The following PPP6R3 variants were observed in gnomAD, a reference collection of about 807,000 sequenced individuals.
PPP6R3 encodes the protein serine/threonine-protein phosphatase 6 regulatory subunit 3.
PPP6R3 carries 38 observed loss-of-function variants against 110.7 expected under a neutral mutation model. That is an observed-to-expected ratio of 0.34 (90% CI 0.26 to 0.45). The LOEUF (loss-of-function observed/expected upper bound fraction) is 0.45, where lower values mean the gene tolerates loss of function less well. Ranked by LOEUF, PPP6R3 falls within the 20% of genes least tolerant of loss-of-function variation. The probability of loss-of-function intolerance (pLI) is 1.00; values close to 1 mark genes in which losing one functional copy is unlikely to be tolerated. For synonymous variants in PPP6R3, 369 were observed against 373.5 expected, an observed-to-expected ratio of 0.99 and a Z score of 0.14; for missense variants, 870 against 1,062.4, an observed-to-expected ratio of 0.82 and a Z score of 2.52.
chr11:68,476,150 C>T, intron 1 of PPP6R3, among the ~76,000 whole-genome samples: 1 of 152,190 alleles, frequency 6.6e-6, no homozygotes. Context: ...GAGATCACGC[C>T]ACTGCACTCC....
chr11:68,504,585 C>G (rs971307719), intron 1 of PPP6R3, among the ~76,000 whole-genome samples: 5 of 152,128 alleles, frequency 3.3e-5, no homozygotes, highest in African/African-American at 1.2e-4. Flanking sequence ...TAAGTGTACC[C>G]CCTGTCAAGA....
intron 2 of PPP6R3, among the ~76,000 whole-genome samples, chr11:68,525,638 A>G (rs1393856740): frequency 6.6e-6 from 1 of 152,168 alleles, no homozygotes; most frequent in East Asian, 1.9e-4. Context: ...AATAGCTAAA[A>G]CTTTAAAAAA....
chr11:68,463,355 G>GAAAAAAAAAAAAAAAAAAAAAAAAAA (rs1156285158), intron 1 of PPP6R3, among the ~76,000 whole-genome samples: 1 of 54,626 alleles, frequency 1.8e-5, no homozygotes, highest in Non-Finnish European at 3.5e-5. Context: ...CTCAGTCTCA[G>GAAAAAAAAAAAAAAAAAAAAAAAAAA]AAAAAAAAAA....
rs1594035255 is a variant in PPP6R3, at chr11:68,603,349, C to G, written c.2307C>G (p.Gly769=). 3 of 1,613,720 alleles carry G rather than the reference C, an allele frequency of 1.9e-6. No individual in the cohort carries two copies. Among genetic ancestry groups the G allele is most frequent in the Non-Finnish European group, 2.5e-6 (3 of 1,179,940 alleles). ...CAGCTGTGTTCTTTTCAGCGGCAGG[C>G]AGTGTGGCCATGGAAGCCAGCTCTG... is the stretch of plus-strand genomic sequence containing the variant. ...AALAVQPEAA[G]SVAMEASSDG... The change falls in exon 22 of 24, where the codon GGC becomes GGG. Residue 769 remains glycine, a synonymous_variant. Coordinates refer to ENST00000393800, the MANE Select transcript of PPP6R3 (RefSeq NM_001164161.2).
chr11:68,466,587 G>A (rs1449794406), intron 1 of PPP6R3, among the ~76,000 whole-genome samples: 1 of 123,174 alleles, frequency 8.1e-6, no homozygotes, highest in Admixed American at 7.9e-5. Context: ...TACAGGGGCC[G>A]GCCACCATGC....
At chr11:68,466,243 C>A (rs868263650) in intron 1 of PPP6R3, among the ~76,000 whole-genome samples, 1 of 152,098 alleles carries the variant, frequency 6.6e-6, no homozygotes, top group Non-Finnish European at 1.5e-5. Context: ...CTACTTCTCA[C>A]CCCCTTTAGT....
intron 1 of PPP6R3, among the ~76,000 whole-genome samples, chr11:68,477,737 A>ATATATATATATAT (rs1555021085): frequency 7.7e-5 from 5 of 64,566 alleles, no homozygotes; most frequent in African/African-American, 2.4e-4. Context: ...TTAAAAAAAA[A>ATATATATATATAT]AAAAATATAT....
At chr11:68,497,440 C>G (rs372526971) in intron 1 of PPP6R3, among the ~76,000 whole-genome samples, 46 of 152,194 alleles carry the variant, frequency 3.0e-4, no homozygotes, top group African/African-American at 1.1e-3. Flanking sequence ...GCAGCCTCGA[C>G]TTCGTGGGCT....
intron 14 of PPP6R3, among the ~76,000 whole-genome samples, chr11:68,577,217 G>T (rs561199580): frequency 6.6e-6 from 1 of 152,272 alleles, no homozygotes; most frequent in East Asian, 1.9e-4. Context: ...TCAAGGAAGG[G>T]TTAAGTCATT....
intron 11 of PPP6R3, 73 bp from the exon 12 acceptor site, chr11:68,570,967 C>G (rs889919031): frequency 6.6e-7 from 1 of 1,518,600 alleles, no homozygotes; most frequent in Non-Finnish European, 8.8e-7. Flanking sequence ...TCTCTTTAAC[C>G]TAGAGTTCTG....
rs573198449 is a variant in PPP6R3, at chr11:68,603,351, G to A, written c.2309G>A (p.Ser770Asn). The A allele has an allele frequency of 6.2e-7, 1 of 1,613,952 alleles. No individual in the cohort carries two copies. Among genetic ancestry groups the A allele is most frequent in the South Asian group, 1.1e-5 (1 of 91,064 alleles). Residue 770 changes from serine to asparagine, a missense_variant, in exon 22 of 24, where the codon AGT becomes AAT. Coordinates refer to ENST00000393800, the MANE Select transcript of PPP6R3 (RefSeq NM_001164161.2). ...GCTGTGTTCTTTTCAGCGGCAGGCA[G>A]TGTGGCCATGGAAGCCAGCTCTGAC... ...ALAVQPEAAG[S>N]VAMEASSDGE...
intron 8 of PPP6R3, 56 bp from the exon 9 acceptor site, chr11:68,564,247 C>G (rs10501398): frequency 0.65 from 987,498 of 1,509,214 alleles, 329,817 homozygotes; most frequent in South Asian, 0.79. Flanking sequence ...TGGTCGATAA[C>G]CTTGAATGAT....
intron 10 of PPP6R3, among the ~76,000 whole-genome samples, chr11:68,568,058 T>G (rs1446398929): frequency 6.6e-6 from 1 of 152,152 alleles, no homozygotes; most frequent in Admixed American, 6.5e-5. Flanking sequence ...CATACGTGCT[T>G]TATCAACCAC....
intron 19 of PPP6R3, among the ~76,000 whole-genome samples, chr11:68,598,436 C>T (rs945835290): frequency 6.6e-6 from 1 of 152,162 alleles, no homozygotes; most frequent in African/African-American, 2.4e-5. Context: ...GGATGAGGTT[C>T]GCGTTTACCT....
chr11:68,484,408 T>G (rs1471565812), intron 1 of PPP6R3, among the ~76,000 whole-genome samples: 5 of 152,134 alleles, frequency 3.3e-5, no homozygotes. Flanking sequence ...TTAATAGATG[T>G]GTTGTGCTAT....
chr11:68,516,654 A>G (rs936960803), intron 1 of PPP6R3, among the ~76,000 whole-genome samples: 1 of 152,196 alleles, frequency 6.6e-6, no homozygotes, highest in African/African-American at 2.4e-5. Flanking sequence ...TGCCATGAAC[A>G]CAGGTACACA....
At chr11:68,504,643 TC>T (rs1357887029) in intron 1 of PPP6R3, among the ~76,000 whole-genome samples, 2 of 152,310 alleles carry the variant, frequency 1.3e-5, no homozygotes, top group African/African-American at 4.8e-5. Flanking sequence ...GTAAGCAAGC[TC>T]CTGGTACAAT....
intron 1 of PPP6R3, among the ~76,000 whole-genome samples, chr11:68,516,183 A>C (rs1345265109): frequency 6.6e-6 from 1 of 152,234 alleles, no homozygotes; most frequent in East Asian, 1.9e-4. Flanking sequence ...AGACTGAATA[A>C]TATTCCATTG....
At chr11:68,540,224 T>C (rs1263495080) in intron 3 of PPP6R3, among the ~76,000 whole-genome samples, 6 of 152,200 alleles carry the variant, frequency 3.9e-5, no homozygotes, top group Non-Finnish European at 5.9e-5. Flanking sequence ...CATAGGTTCT[T>C]TTCTGTTTTC....
Sources: allele counts gnomAD v4.1 joint callset (sites outside exome capture counted in the v4.1 genomes callset), GRCh38; gene constraint gnomAD v4.1.1; transcripts MANE v1.5; gene names NCBI Gene and HGNC (gene_info 2026-07-23, HGNC 2026-07-21).